The following PLCB1 variants were observed in gnomAD, a reference collection of about 807,000 sequenced individuals.
PLCB1 encodes phospholipase C beta 1.
Under a neutral mutation model 161.8 loss-of-function variants are expected in PLCB1, and 46 were observed. The ratio of observed to expected loss-of-function variants is 0.28; its 90% CI spans 0.22 to 0.36. The LOEUF (loss-of-function observed/expected upper bound fraction) is 0.36. Ranked by LOEUF, PLCB1 falls within the 10% of genes least tolerant of loss-of-function variation. PLCB1 has a pLI of 1.00. For missense variants in PLCB1, 1,016 were observed against 1,472.5 expected, an observed-to-expected ratio of 0.69 and a Z score of 5.07; for synonymous variants, 517 against 503.7, an observed-to-expected ratio of 1.03 and a Z score of -0.35.
intron 3 of PLCB1, among the ~76,000 whole-genome samples, chr20:8,391,468 A>T (rs1026404737): frequency 2.0e-5 from 3 of 152,104 alleles, no homozygotes; most frequent in African/African-American, 7.2e-5. Context: ...TTTCTGCACT[A>T]TGAAGTCATT....
At position 8,628,409 on chromosome 20, in the gene PLCB1, C is replaced by G; in HGVS notation, c.362C>G (p.Ala121Gly). Residue 121 changes from alanine to glycine, a missense_variant, in exon 4 of 32, where the codon GCT (alanine) becomes GGT (glycine). Physicochemically the swap from Ala to Gly is moderately conservative, Grantham distance 60 (BLOSUM62 0). Coordinates refer to ENST00000338037, the MANE Select transcript of PLCB1 (RefSeq NM_015192.4). ...AACATCTCCCATTTGAATCTCGTGG[C>G]TTTCCAAGAAGAAGTGGCCAAGGTA... is the stretch of plus-strand genomic sequence containing the variant. ...LVNISHLNLV[A>G]FQEEVAKEWT... 6.2e-7 allele frequency: 1 copy of G among 1,614,032 alleles called. No homozygotes were observed. Among genetic ancestry groups the G allele is most frequent in the Non-Finnish European group, 8.5e-7 (1 of 1,179,980 alleles).
chr20:8,663,954 G>A (rs1989748237), intron 9 of PLCB1, among the ~76,000 whole-genome samples: 1 of 152,042 alleles, frequency 6.6e-6, no homozygotes, highest in African/African-American at 2.4e-5. Context: ...AGTAAAATTA[G>A]CATGAAAAAT....
intron 31 of PLCB1, chr20:8,792,444 G>C: frequency 2.5e-6 from 1 of 405,540 alleles, no homozygotes; most frequent in African/African-American, 2.1e-5. Flanking sequence ...TAGCAACTGG[G>C]TAGACAGGTT....
At chr20:8,277,095 G>A (rs1982620582) in intron 2 of PLCB1, among the ~76,000 whole-genome samples, 1 of 151,234 alleles carries the variant, frequency 6.6e-6, no homozygotes, top group South Asian at 2.1e-4. Context: ...CCACCTCCTG[G>A]GTTCAAGTGA....
At chr20:8,366,572 G>A (rs1440250998) in intron 2 of PLCB1, among the ~76,000 whole-genome samples, 1 of 152,206 alleles carries the variant, frequency 6.6e-6, no homozygotes, top group Non-Finnish European at 1.5e-5. Flanking sequence ...CATGTCAATA[G>A]ACAGTTACAA....
chr20:8,166,460 T>G (rs1225416879), intron 2 of PLCB1, among the ~76,000 whole-genome samples: 2 of 152,238 alleles, frequency 1.3e-5, no homozygotes, highest in African/African-American at 2.4e-5. Flanking sequence ...TCTACTTTAC[T>G]GGCTGTAAGT....
At chr20:8,320,080 G>T (rs1984841102) in intron 2 of PLCB1, among the ~76,000 whole-genome samples, 1 of 152,094 alleles carries the variant, frequency 6.6e-6, no homozygotes, top group Non-Finnish European at 1.5e-5. Context: ...AGGTCCGGGG[G>T]CATGGCATTT....
intron 7 of PLCB1, chr20:8,651,902 C>A (rs1989332580): frequency 5.8e-6 from 1 of 172,542 alleles, no homozygotes; most frequent in Admixed American, 6.2e-5. Context: ...AAAGAGAAAA[C>A]ATGAGAGATG....
intron 2 of PLCB1, among the ~76,000 whole-genome samples, chr20:8,214,424 G>A (rs1254165429): frequency 1.3e-5 from 2 of 152,006 alleles, no homozygotes; most frequent in African/African-American, 4.8e-5. Context: ...CCCACCATGC[G>A]AGACCCCTCC....
At chr20:8,189,107 T>A (rs2051937633) in intron 2 of PLCB1, among the ~76,000 whole-genome samples, 1 of 151,904 alleles carries the variant, frequency 6.6e-6, no homozygotes, top group African/African-American at 2.4e-5. Flanking sequence ...CTTCTAGGAT[T>A]CCGCATATAA....
intron 3 of PLCB1, among the ~76,000 whole-genome samples, chr20:8,507,521 C>T (rs142887767): frequency 6.6e-5 from 10 of 152,218 alleles, no homozygotes; most frequent in Admixed American, 2.6e-4. Context: ...CCTTTTAGGA[C>T]GGTGAACATT....
In PLCB1 at chr20:8,739,141, ACTCTAT is replaced by A. The variant is rs1600288617; in HGVS notation, c.2209-116_2209-111del. The A allele has an allele frequency of 5.6e-6, 4 of 708,424 alleles. No homozygotes were observed. The East Asian group carries it at 1.0e-4, about 19-fold the overall frequency. The allele number at this position is 708,424 out of a possible 1,614,324, so 43.9% of individuals were successfully genotyped here. Reference sequence around the variant, plus strand: ...ACTTCAGCCTGGGTGACACAGCAAGACTCTATCTCAAAAAAAGAAAGAGAAAAGAAA... The same window carrying A: ...ACTTCAGCCTGGGTGACACAGCAAGACTCAAAAAAAGAAAGAGAAAAGAAA... On this transcript the variant is annotated intron_variant, in intron 20 of 31. Transcript: ENST00000338037.
At chr20:8,645,304 T>TAA (rs11087814) in intron 4 of PLCB1, among the ~76,000 whole-genome samples, 9 of 146,958 alleles carry the variant, frequency 6.1e-5, no homozygotes, top group African/African-American at 1.0e-4. Flanking sequence ...GAATGATCAA[T>TAA]AAAAAAAAAT....
intron 9 of PLCB1, among the ~76,000 whole-genome samples, chr20:8,678,371 G>C (rs1194817446): frequency 6.6e-6 from 1 of 152,142 alleles, no homozygotes; most frequent in Non-Finnish European, 1.5e-5. Flanking sequence ...CATCTTTCAT[G>C]GTGGTAAGTC....
intron 2 of PLCB1, among the ~76,000 whole-genome samples, chr20:8,220,947 A>C (rs1979374674): frequency 6.6e-6 from 1 of 152,306 alleles, no homozygotes; most frequent in East Asian, 1.9e-4. Flanking sequence ...CTAAGGTTTA[A>C]AAGTACTGGC....
intron 17 of PLCB1, among the ~76,000 whole-genome samples, chr20:8,728,426 G>A (rs1249574831): frequency 6.6e-6 from 1 of 151,966 alleles, no homozygotes; most frequent in Non-Finnish European, 1.5e-5. Context: ...GATAATGATA[G>A]GAACCAAAAT....
At chr20:8,379,008 A>G (rs935990777) in intron 3 of PLCB1, among the ~76,000 whole-genome samples, 10 of 151,966 alleles carry the variant, frequency 6.6e-5, no homozygotes, top group Non-Finnish European at 1.2e-4. Context: ...TCTCGGATAC[A>G]TGTGCAGAAC....
chr20:8,368,941 T>C (rs1273873888), intron 2 of PLCB1, among the ~76,000 whole-genome samples: 2 of 137,620 alleles, frequency 1.5e-5, no homozygotes, highest in Non-Finnish European at 3.0e-5. Context: ...AATCATGCCA[T>C]AGCTCTCTGT....
chr20:8,794,418 A>T (rs1983917269), intron 31 of PLCB1, among the ~76,000 whole-genome samples: 1 of 152,216 alleles, frequency 6.6e-6, no homozygotes, highest in Non-Finnish European at 1.5e-5. Flanking sequence ...TTCTTCTGCC[A>T]TGGCTTCAGC....
Sources: gnomAD v4.1 joint callset for allele counts (sites outside exome capture counted in the v4.1 genomes callset) on GRCh38, gnomAD v4.1.1 for gene constraint, MANE v1.5 for transcripts, NCBI Gene and HGNC (gene_info 2026-07-23, HGNC 2026-07-21) for gene names.